ERC2: variants seen among roughly 807,000 people sequenced by gnomAD.
ERC2 encodes the protein ELKS/RAB6-interacting/CAST family member 2, also known as ERC protein 2.
A neutral mutation model predicts 114.8 loss-of-function variants in ERC2; 42 were observed. That is an observed-to-expected ratio of 0.37 (90% CI 0.29 to 0.47). The LOEUF is 0.47. Among genes scored for constraint, ERC2 ranks in the 20% least tolerant of loss-of-function variants. The pLI is 0.99. For synonymous variants in ERC2, 454 were observed against 425.5 expected (o/e 1.07, Z -0.82); for missense variants, 939 against 1,150.7 (o/e 0.82, Z 2.66).
chr3:56,387,340 C>A (rs1211025705), intron 2 of ERC2, among the ~76,000 whole-genome samples: 2 of 152,106 alleles, frequency 1.3e-5, no homozygotes, highest in African/African-American at 4.8e-5. Context: ...CTGCATAATC[C>A]TCAAGGATTC....
chr3:56,020,586 T>C (rs1427102984), intron 7 of ERC2, among the ~76,000 whole-genome samples: 1 of 152,194 alleles, frequency 6.6e-6, no homozygotes, highest in Non-Finnish European at 1.5e-5. Context: ...TATGTCAGAA[T>C]GATACTGGTT....
intron 2 of ERC2, among the ~76,000 whole-genome samples, chr3:56,334,739 T>C (rs2057776329): frequency 6.6e-6 from 1 of 152,184 alleles, no homozygotes; most frequent in East Asian, 1.9e-4. Flanking sequence ...TGATAAAAAC[T>C]TCATATAAAA....
chr3:55,873,943 T>C lies in ERC2; in HGVS notation c.2564+14446A>G, dbSNP rs184799775. 1.8e-3 allele frequency among the ~76,000 whole-genome samples: 277 copies of C among 152,360 alleles called. 5 individuals carry two copies. The highest frequency in any genetic ancestry group is 0.01 in the Middle Eastern group (3 of 294). Reference sequence around the variant, plus strand: ...ATTAGACTGTTAACTAGGTAGTCAATAAATAAATATTTGTTTATTCTCTCA... The same window carrying C: ...ATTAGACTGTTAACTAGGTAGTCAACAAATAAATATTTGTTTATTCTCTCA... On this transcript the variant is annotated intron_variant, in intron 14 of 17. Coordinates refer to ENST00000288221, the MANE Select transcript of ERC2 (RefSeq NM_015576.3).
intron 17 of ERC2, among the ~76,000 whole-genome samples, chr3:55,548,728 C>T (rs1476933149): frequency 1.3e-5 from 2 of 152,124 alleles, no homozygotes; most frequent in Admixed American, 1.3e-4. Flanking sequence ...ACTTTAATAA[C>T]GTGGGTGGCT....
chr3:56,107,597 G>A (rs562786965), intron 6 of ERC2, among the ~76,000 whole-genome samples: 1 of 152,200 alleles, frequency 6.6e-6, no homozygotes, highest in African/African-American at 2.4e-5. Flanking sequence ...GCAACCACAA[G>A]AGCTAAAGCA....
chr3:55,864,052 A>T (rs1326827825), intron 14 of ERC2, among the ~76,000 whole-genome samples: 1 of 148,916 alleles, frequency 6.7e-6, no homozygotes, highest in African/African-American at 2.5e-5. Flanking sequence ...CCTTCTACCC[A>T]TCCCATATAC....
chr3:55,967,441 G>A (rs994112390), intron 12 of ERC2, among the ~76,000 whole-genome samples: 1 of 152,158 alleles, frequency 6.6e-6, no homozygotes, highest in African/African-American at 2.4e-5. Flanking sequence ...CTCAGCCCAT[G>A]CAGTGATTCT....
chr3:56,217,671 G>A (rs1451812703), intron 3 of ERC2, among the ~76,000 whole-genome samples: 1 of 152,132 alleles, frequency 6.6e-6, no homozygotes, highest in Non-Finnish European at 1.5e-5. Flanking sequence ...AAAACAGCCT[G>A]CATTGCCAAG....
At chr3:55,553,428 C>T (rs544528819) in intron 17 of ERC2, among the ~76,000 whole-genome samples, 1 of 152,112 alleles carries the variant, frequency 6.6e-6, no homozygotes, top group South Asian at 2.1e-4. Flanking sequence ...TCACAAGAGC[C>T]CCATGAGAAT....
At chr3:56,372,746 GA>G (rs1306429789) in intron 2 of ERC2, among the ~76,000 whole-genome samples, 1 of 151,836 alleles carries the variant, frequency 6.6e-6, no homozygotes, top group Non-Finnish European at 1.5e-5. Flanking sequence ...AGAAAGAAAA[GA>G]AAAGAAAATT....
intron 14 of ERC2, among the ~76,000 whole-genome samples, chr3:55,735,649 T>C (rs2065585691): frequency 6.6e-6 from 1 of 152,214 alleles, no homozygotes; most frequent in Non-Finnish European, 1.5e-5. Context: ...ATATTGGTAA[T>C]TAAGTTTCCA....
chr3:56,049,952 AGCTAGACCCAGAAG>A (rs566203405), intron 7 of ERC2, among the ~76,000 whole-genome samples: 18 of 152,192 alleles, frequency 1.2e-4, no homozygotes, highest in African/African-American at 4.1e-4. Flanking sequence ...AAGCAAAAGA[AGCTAGACCCAGAAG>A]GCTACATATC....
At chr3:56,225,854 C>T (rs545172672) in intron 3 of ERC2, among the ~76,000 whole-genome samples, 1 of 152,262 alleles carries the variant, frequency 6.6e-6, no homozygotes, top group South Asian at 2.1e-4. Flanking sequence ...TTCCAGCCCA[C>T]CAATGACCAG....
intron 13 of ERC2, among the ~76,000 whole-genome samples, chr3:55,926,285 G>A (rs2065741760): frequency 6.6e-6 from 1 of 151,962 alleles, no homozygotes; most frequent in Non-Finnish European, 1.5e-5. Context: ...CCAGAAGCTT[G>A]GAAAAATATG....
chr3:56,061,928 A>G (rs186832070), intron 7 of ERC2, among the ~76,000 whole-genome samples: 19 of 152,342 alleles, frequency 1.2e-4, no homozygotes, highest in Admixed American at 1.2e-3. Context: ...CGTGGGTATA[A>G]GCACATTACC....
intron 2 of ERC2, among the ~76,000 whole-genome samples, chr3:56,351,007 G>T (rs2058531119): frequency 6.6e-6 from 1 of 152,200 alleles, no homozygotes; most frequent in Non-Finnish European, 1.5e-5. Flanking sequence ...GGGATAGCCA[G>T]AATTGAACTT....
At chr3:56,174,886 G>A (rs1461315018) in intron 3 of ERC2, among the ~76,000 whole-genome samples, 1 of 151,904 alleles carries the variant, frequency 6.6e-6, no homozygotes, top group Non-Finnish European at 1.5e-5. Flanking sequence ...GCTGAGGCAG[G>A]AGAATCCCTT....
chr3:55,612,349 T>C (rs1338611370), intron 17 of ERC2, among the ~76,000 whole-genome samples: 1 of 151,990 alleles, frequency 6.6e-6, no homozygotes, highest in Non-Finnish European at 1.5e-5. Context: ...AAGTGGCAGG[T>C]GTCACAAGAG....
At chr3:55,841,158 TTAAA>T (rs2061114737) in intron 14 of ERC2, among the ~76,000 whole-genome samples, 4 of 152,180 alleles carry the variant, frequency 2.6e-5, no homozygotes, top group South Asian at 4.1e-4. Context: ...AATAATAAAC[TTAAA>T]TAAAACAAAT....
Sources: gnomAD v4.1 joint callset for allele counts (sites outside exome capture counted in the v4.1 genomes callset) on GRCh38, gnomAD v4.1.1 for gene constraint, MANE v1.5 for transcripts, NCBI Gene and HGNC (gene_info 2026-07-23, HGNC 2026-07-21) for gene names.